DNAH3: variants seen among roughly 807,000 people sequenced by gnomAD.
DNAH3 encodes axonemal beta dynein heavy chain 3.
In DNAH3, 332 loss-of-function variants were observed where a neutral mutation model predicts 432.5. The ratio of observed to expected loss-of-function variants is 0.77; its 90% CI spans 0.70 to 0.84. The LOEUF is 0.84. Among genes scored for constraint, DNAH3 ranks in the 40% least tolerant of loss-of-function variants. The pLI, the probability that DNAH3 is intolerant of heterozygous loss-of-function variation, is 0.00. For missense variants in DNAH3, 4,861 were observed against 5,114.0 expected, an observed-to-expected ratio of 0.95 and a Z score of 1.51; for synonymous variants, 1,956 against 1,900.2, an observed-to-expected ratio of 1.03 and a Z score of -0.76.
intron 33 of DNAH3, among the ~76,000 whole-genome samples, chr16:21,038,651 G>T (rs903407667): frequency 6.6e-6 from 1 of 152,190 alleles, no homozygotes; most frequent in Non-Finnish European, 1.5e-5. Context: ...CTCTCAAGGA[G>T]ATCCTCTTTA....
Position 20,975,231 on chromosome 16 carries a change from A to G in DNAH3, c.8259+2T>C, listed in dbSNP as rs1380284369. 6.2e-7 allele frequency: 1 copy of G among 1,612,850 alleles called. No individual in the cohort carries two copies. ...CCCTCCCTTTCTTCTCAGTCTTTCT[A>G]CCTTGATTCCTTGGGCAATGGCAGC... On this transcript the variant is annotated splice_donor_variant, in intron 51 of 61. Coordinates refer to ENST00000261383, the Ensembl canonical transcript of DNAH3. LOFTEE classifies it high-confidence loss of function.
rs61277332 is a variant in DNAH3, at chr16:21,092,698, C to CAAAA, written c.2665+4653_2665+4656dup. 6.1e-4 allele frequency among the ~76,000 whole-genome samples: 7 copies of CAAAA among 11,532 alleles called. 2 individuals carry two copies. Among genetic ancestry groups the CAAAA allele is most frequent in the Non-Finnish European group, 9.8e-4 (6 of 6,122 alleles). 7.6% of individuals were successfully genotyped at this position (11,532 alleles called of 152,430 possible). A position where few individuals can be genotyped will look rare whatever the true frequency, so the allele number is the denominator to read the frequency against. On this transcript the variant is annotated intron_variant, in intron 18 of 61. Transcript: ENST00000261383. ...GGCACAGTCTGGAAGAAAATATTTG[C>CAAAA]AAAAAAAAAAAAAAAAAAAAAAAAA...
intron 12 of DNAH3, among the ~76,000 whole-genome samples, chr16:21,113,586 G>A (rs2092121865): frequency 6.6e-6 from 1 of 152,118 alleles, no homozygotes; most frequent in African/African-American, 2.4e-5. Context: ...AGCCTCTGGA[G>A]TAGCTGGGAT....
chr16:21,101,518 T>C (rs141469320), intron 16 of DNAH3, among the ~76,000 whole-genome samples: 2,213 of 152,262 alleles, frequency 0.015, 64 homozygotes, highest in African/African-American at 0.049. Flanking sequence ...TGTGGGACCA[T>C]TTAGAGTGTA....
chr16:21,106,111 C>T (rs1246484717), intron 15 of DNAH3, among the ~76,000 whole-genome samples: 2 of 144,078 alleles, frequency 1.4e-5, no homozygotes, highest in Non-Finnish European at 3.0e-5. Flanking sequence ...ACCCAGGAGG[C>T]GGAAGTTACA....
At chr16:20,974,952 C>T (rs940290083) in intron 51 of DNAH3, among the ~76,000 whole-genome samples, 39 of 147,402 alleles carry the variant, frequency 2.6e-4, no homozygotes, top group African/African-American at 6.8e-4. Flanking sequence ...CTGAGTAGCT[C>T]GGATTACAGA....
At position 21,075,569 on chromosome 16, in the gene DNAH3, G is replaced by C. The variant is rs759815623; in HGVS notation, c.2970-8C>G. 2 of 1,602,624 alleles carry C rather than the reference G, an allele frequency of 1.2e-6. No homozygotes were observed. The highest frequency in any genetic ancestry group is 1.7e-6 in the Non-Finnish European group (2 of 1,169,876). On this transcript the variant is annotated splice_region_variant and splice_polypyrimidine_tract_variant and intron_variant, in intron 20 of 61. Coordinates refer to ENST00000261383, the Ensembl canonical transcript of DNAH3. ...GCACCAATGGGCTCCAATCTAAAGA[G>C]AGAACACAGCAACAGCAACATCAAC... is the stretch of plus-strand genomic sequence containing the variant.
At chr16:20,955,016 C>T (rs1183177120) in exon 55 of DNAH3, 25 of 1,613,250 alleles carry the variant, frequency 1.5e-5, no homozygotes, top group Non-Finnish European at 2.0e-5. Flanking sequence ...CTGGAGAATG[C>T]TGACTGGAAA....
At chr16:21,159,190 C>A (rs2092931758) in intron 1 of DNAH3, 3 of 891,288 alleles carry the variant, frequency 3.4e-6, no homozygotes, top group Non-Finnish European at 5.6e-6. Context: ...GGTCCCCTTC[C>A]CCATCGCTGC....
At chr16:20,974,577 G>GTGT (rs1282320668) in intron 51 of DNAH3, among the ~76,000 whole-genome samples, 1 of 71,502 alleles carries the variant, frequency 1.4e-5, no homozygotes, top group East Asian at 4.8e-4. Flanking sequence ...CTGTTTTATA[G>GTGT]TGTTTTTTTT....
intron 50 of DNAH3, among the ~76,000 whole-genome samples, chr16:20,976,383 G>A (rs887951688): frequency 1.3e-5 from 2 of 151,522 alleles, no homozygotes; most frequent in Admixed American, 6.6e-5. Context: ...AGTAGAGATG[G>A]GGTTTCACCA....
chr16:21,013,719 CAAA>C (rs557641711), intron 41 of DNAH3, among the ~76,000 whole-genome samples: 1 of 47,426 alleles, frequency 2.1e-5, no homozygotes, highest in African/African-American at 8.8e-5. Flanking sequence ...AACTCCATCT[CAAA>C]AAAAAAAAAA....
Position 20,963,683 on chromosome 16 carries a change from TGC to T in DNAH3, c.10199_10200del (p.Gly3400AspfsTer5). 1.9e-6 allele frequency: 3 copies of T among 1,614,080 alleles called. No individual in the cohort carries two copies. The highest frequency in any genetic ancestry group is 2.5e-6 in the Non-Finnish European group (3 of 1,180,020). ...TTGGGGTAGGGGTTATCCAGTGCGATGCCTCCAGTGAGAAGGAAGTACCACAC... is the reference window on the plus strand; with the variant it reads ...TTGGGGTAGGGGTTATCCAGTGCGATCTCCAGTGAGAAGGAAGTACCACAC... On this transcript the variant is annotated frameshift_variant, in exon 53 of 62. Coordinates refer to ENST00000261383, the Ensembl canonical transcript of DNAH3. LOFTEE classifies it high-confidence loss of function.
At chr16:21,129,559 T>C (rs73548274) in intron 7 of DNAH3, 37,504 of 135,792 alleles carry the variant, frequency 0.28, 5,259 homozygotes, top group African/African-American at 0.34. Context: ...GGTGAAACCC[T>C]ATCTCTACAA....
chr16:20,938,669 C>CAA (rs901953556), intron 59 of DNAH3, among the ~76,000 whole-genome samples: 1,166 of 81,770 alleles, frequency 0.014, 14 homozygotes, highest in African/African-American at 0.026. Context: ...GGTGAAAAGG[C>CAA]AAAAAAAAAA....
At chr16:21,060,547 ACAG>A (rs1555543522) in intron 25 of DNAH3, among the ~76,000 whole-genome samples, 191 bp from the exon 26 acceptor site, 2 of 109,798 alleles carry the variant, frequency 1.8e-5, no homozygotes, top group Non-Finnish European at 3.5e-5. Flanking sequence ...TTTTTTTGAT[ACAG>A]AGTCTCGCTC....
At chr16:20,963,756 G>A (rs1350883911) in exon 53 of DNAH3, 2 of 1,614,070 alleles carry the variant, frequency 1.2e-6, no homozygotes, top group Admixed American at 3.3e-5. Flanking sequence ...CGATGGTCAG[G>A]AGGAGAGAGA....
chr16:20,999,114 G>A (rs1362282807), intron 43 of DNAH3, among the ~76,000 whole-genome samples: 1 of 152,162 alleles, frequency 6.6e-6, no homozygotes, highest in Admixed American at 6.5e-5. Flanking sequence ...AATTAGCCAA[G>A]AGTGGTGGCA....
At position 21,054,493 on chromosome 16, in the gene DNAH3, G is replaced by A. The variant is rs925992677; in HGVS notation, c.3966C>T (p.Val1322=). Residue 1322 remains valine, a synonymous_variant, in exon 28 of 62, where the codon GTC becomes GTT. Transcript: ENST00000261383. Reference sequence around the variant, plus strand: ...TGCTCAGCTTCCCTCGCACCAGCTGGACAATCTGCGCAATCTGATCATTGC... The same window carrying A: ...TGCTCAGCTTCCCTCGCACCAGCTGAACAATCTGCGCAATCTGATCATTGC... 4.3e-6 allele frequency: 7 copies of A among 1,614,018 alleles called. No individual in the cohort carries two copies. The African/African-American group carries it at 9.3e-5, about 22-fold the overall frequency.
Sources: gnomAD v4.1 joint callset for allele counts (sites outside exome capture counted in the v4.1 genomes callset) on GRCh38, gnomAD v4.1.1 for gene constraint, MANE v1.5 for transcripts, NCBI Gene and HGNC (gene_info 2026-07-23, HGNC 2026-07-21) for gene names.